EIF3L: variants seen among roughly 807,000 people sequenced by gnomAD.
EIF3L encodes eIEF associated protein HSPC021.
A neutral mutation model predicts 74.6 loss-of-function variants in EIF3L; 32 were observed. That is an observed-to-expected ratio of 0.43 (90% CI 0.32 to 0.58). The LOEUF is 0.58. EIF3L is among the 20% of genes least tolerant of loss of function. The probability of loss-of-function intolerance (pLI) is 0.06; values close to 1 mark genes in which losing one functional copy is unlikely to be tolerated. For synonymous variants in EIF3L, 256 were observed against 254.4 expected (o/e 1.01, Z -0.06); for missense variants, 474 against 707.8 (o/e 0.67, Z 3.75).
At chr22:37,855,425 G>C (rs1214353726) in intron 3 of EIF3L, 140 bp from the exon 4 acceptor site, 29 of 664,080 alleles carry the variant, frequency 4.4e-5, no homozygotes, top group Non-Finnish European at 7.1e-5. Flanking sequence ...GAGGACAGTT[G>C]TGGGCTTGAA....
At chr22:37,886,907 G>A (rs757957848) in intron 12 of EIF3L, 62 bp downstream of exon 12, 61 of 1,361,578 alleles carry the variant, frequency 4.5e-5, no homozygotes, top group Admixed American at 5.7e-5. Context: ...ACTGAATCGA[G>A]AGTTTACTTT....
At chr22:37,861,886 G>C (rs534498172) in intron 5 of EIF3L, among the ~76,000 whole-genome samples, 64 of 152,278 alleles carry the variant, frequency 4.2e-4, no homozygotes, top group African/African-American at 1.5e-3. Context: ...GCTTATTGAT[G>C]CTGTTATCTT....
intron 7 of EIF3L, among the ~76,000 whole-genome samples, chr22:37,864,508 A>T (rs1161095275): frequency 6.6e-6 from 1 of 151,570 alleles, no homozygotes; most frequent in African/African-American, 2.4e-5. Context: ...CCTGGGGGTA[A>T]AAGTCCAGGT....
intron 7 of EIF3L, 22 bp from the exon 8 acceptor site, chr22:37,870,154 T>C (rs369621744): frequency 1.9e-6 from 3 of 1,575,090 alleles, no homozygotes; most frequent in South Asian, 1.2e-5. Flanking sequence ...CACTACTGCA[T>C]GTTTCTTTTC....
intron 12 of EIF3L, chr22:37,887,123 T>G: frequency 3.4e-6 from 1 of 291,094 alleles, no homozygotes; most frequent in Non-Finnish European, 6.8e-6. Flanking sequence ...GAGATGGGGT[T>G]TCACCATGTT....
chr22:37,857,517 GT>G (rs1408284743), intron 4 of EIF3L, among the ~76,000 whole-genome samples: 1 of 151,162 alleles, frequency 6.6e-6, no homozygotes, highest in Non-Finnish European at 1.5e-5. Context: ...TATAGCTAAC[GT>G]TTTTTTGAAC....
At chr22:37,871,397 A>C (rs1011258351) in intron 8 of EIF3L, 1 of 152,216 alleles carries the variant, frequency 6.6e-6, no homozygotes, top group African/African-American at 2.4e-5. Context: ...GAGCACCAAC[A>C]TGACGCCGTA....
At position 37,870,201 on chromosome 22, in the gene EIF3L, G is replaced by C; in HGVS notation, c.605G>C (p.Cys202Ser). The C allele has an allele frequency of 6.2e-7, 1 of 1,612,590 alleles. No homozygotes were observed. The highest frequency in any genetic ancestry group is 1.3e-5 in the African/African-American group (1 of 75,016). ...TTTCAGTCATTCAGTCAGTACCGCT[G>C]TAAGACTGCCAAGAAGTCAGAGGAG... ...YQFQSFSQYR[C>S]KTAKKSEEEI... Residue 202 changes from cysteine to serine, a missense_variant, in exon 8 of 13, where the codon TGT (cysteine) becomes TCT (serine). Cys to Ser is a moderately radical substitution (Grantham distance 112). Around this residue, in one of 4 missense-constraint regions of EIF3L, gnomAD observed 293 missense variants for 469.1 expected, o/e 0.62. Coordinates refer to ENST00000652021, the MANE Select transcript of EIF3L (RefSeq NM_016091.4).
intron 7 of EIF3L, among the ~76,000 whole-genome samples, chr22:37,866,651 T>C (rs1216112926): frequency 1.3e-5 from 2 of 152,026 alleles, no homozygotes; most frequent in Non-Finnish European, 2.9e-5. Context: ...CCGGGCGTGG[T>C]GGCAGGTACC....
chr22:37,879,702 G>A (rs1197182612), intron 11 of EIF3L: 1 of 152,200 alleles, frequency 6.6e-6, no homozygotes, highest in African/African-American at 2.4e-5. Flanking sequence ...CTTTACAAGT[G>A]GGAAGCCATT....
chr22:37,849,642 A>G (rs1411699480), intron 1 of EIF3L, 160 bp downstream of exon 1: 11 of 799,516 alleles, frequency 1.4e-5, no homozygotes, highest in Non-Finnish European at 1.8e-5. Context: ...TCCCTAGACA[A>G]CCCTGGCTCT....
At chr22:37,869,724 G>T (rs974860995) in intron 7 of EIF3L, among the ~76,000 whole-genome samples, 7 of 152,138 alleles carry the variant, frequency 4.6e-5, no homozygotes, top group Admixed American at 4.6e-4. Flanking sequence ...GTCAGCTGTG[G>T]TAGGGAAGGC....
intron 3 of EIF3L, among the ~76,000 whole-genome samples, chr22:37,853,456 G>T (rs1925336584): frequency 6.6e-6 from 1 of 152,192 alleles, no homozygotes; most frequent in South Asian, 2.1e-4. Context: ...TTTCTGATTA[G>T]AAGTATATAA....
At chr22:37,861,058 ACT>A (rs1268342071) in intron 5 of EIF3L, among the ~76,000 whole-genome samples, 2 of 152,050 alleles carry the variant, frequency 1.3e-5, no homozygotes, top group Non-Finnish European at 1.5e-5. Flanking sequence ...TGGAAGGTTA[ACT>A]CCACCGGGGT....
At chr22:37,874,624 G>T in intron 9 of EIF3L, 100 bp downstream of exon 9, 1 of 1,356,112 alleles carries the variant, frequency 7.4e-7, no homozygotes. Flanking sequence ...AGAGGAAAGA[G>T]GACTGTTCCC....
intron 3 of EIF3L, among the ~76,000 whole-genome samples, chr22:37,853,468 T>A (rs1160647467): frequency 1.3e-5 from 2 of 152,162 alleles, no homozygotes; most frequent in African/African-American, 4.8e-5. Flanking sequence ...AGTATATAAA[T>A]CAGCGCCTAC....
chr22:37,852,517 A>C (rs1925281201), intron 3 of EIF3L, among the ~76,000 whole-genome samples: 1 of 152,230 alleles, frequency 6.6e-6, no homozygotes, highest in Non-Finnish European at 1.5e-5. Flanking sequence ...GTCAGGAGTG[A>C]CTTCACCAAG....
Position 37,888,610 on chromosome 22 carries a change from G to C in EIF3L, c.*146G>C, listed in dbSNP as rs1381453361. ...ACCGAAGTGTTTCAAGTGGATCTCA[G>C]TAAAGGATCTTTGGAGCCAGATTTG... is the stretch of plus-strand genomic sequence containing the variant. On this transcript the variant is annotated 3_prime_UTR_variant, in exon 13 of 13. Coordinates refer to ENST00000652021, the MANE Select transcript of EIF3L (RefSeq NM_016091.4). 2.5e-6 allele frequency: 2 copies of C among 792,446 alleles called. No individual in the cohort carries two copies. Among genetic ancestry groups the C allele is most frequent in the African/African-American group, 1.7e-5 (1 of 57,946 alleles). The allele number at this position is 792,446 out of a possible 1,614,324, so 49.1% of individuals were successfully genotyped here. A position where few individuals can be genotyped will look rare whatever the true frequency, so the allele number is the denominator to read the frequency against.
intron 4 of EIF3L, among the ~76,000 whole-genome samples, chr22:37,856,067 A>AT (rs1477747160): frequency 3.3e-5 from 5 of 150,560 alleles, no homozygotes; most frequent in Admixed American, 2.7e-4. Context: ...TATTATTATT[A>AT]TTTTTTTTGA....
Sources: gnomAD v4.1 joint callset for allele counts (sites outside exome capture counted in the v4.1 genomes callset) on GRCh38, gnomAD v4.1.1 for gene constraint, gnomAD v4.1.1 regional missense constraint, MANE v1.5 for transcripts, NCBI Gene and HGNC (gene_info 2026-07-23, HGNC 2026-07-21) for gene names.